Variants in HS6ST3 observed in about 807,000 individuals in gnomAD.
The protein encoded by HS6ST3 is heparan-sulfate 6-O-sulfotransferase 3.
Under a neutral mutation model 36.7 loss-of-function variants are expected in HS6ST3, and 12 were observed. The observed-to-expected ratio is 0.33, with a 90% confidence interval of 0.21 to 0.53. The LOEUF is 0.53. Ranked by LOEUF, HS6ST3 falls within the 20% of genes least tolerant of loss-of-function variation. HS6ST3 has a pLI of 0.95. For missense variants in HS6ST3, 584 were observed against 640.9 expected (o/e 0.91, Z 0.96); for synonymous variants, 240 against 257.5 (o/e 0.93, Z 0.65).
intron 1 of HS6ST3, among the ~76,000 whole-genome samples, chr13:96,542,899 C>T (rs1244767526): frequency 6.6e-6 from 1 of 152,082 alleles, no homozygotes; most frequent in Non-Finnish European, 1.5e-5. Flanking sequence ...CTTCTCTGTT[C>T]AGTGTTCTAG....
chr13:96,390,981 G>GT (rs1244381609), intron 1 of HS6ST3, among the ~76,000 whole-genome samples: 1 of 152,052 alleles, frequency 6.6e-6, no homozygotes, highest in Non-Finnish European at 1.5e-5. Context: ...CACATATAAT[G>GT]TTTTTTTCTT....
Position 96,090,696 on chromosome 13 carries a change from C to T in HS6ST3, c.-167C>T, listed in dbSNP as rs998867285. 11 of 303,066 alleles carry T rather than the reference C, an allele frequency of 3.6e-5. No individual in the cohort carries two copies. Among genetic ancestry groups the T allele is most frequent in the African/African-American group, 2.0e-4 (9 of 43,992 alleles). The allele number at this position is 303,066 out of a possible 1,614,324, so 18.8% of individuals were successfully genotyped here. A position where few individuals can be genotyped will look rare whatever the true frequency, so the allele number is the denominator to read the frequency against. On this transcript the variant is annotated 5_prime_UTR_variant, in exon 1 of 2. Transcript: ENST00000376705. ...CTCGCAGGCCCCGGCTCCTCAAGCC[C>T]CGAGGGCCGCGGGGCCGCCAGCCAG...
Position 96,834,739 on chromosome 13 carries a change from A to G in HS6ST3, c.*1541A>G, listed in dbSNP as rs770009384. On this transcript the variant is annotated 3_prime_UTR_variant, in exon 2 of 2. Coordinates refer to ENST00000376705, the MANE Select transcript of HS6ST3 (RefSeq NM_153456.4). ...ATCCAACATGTTTGATGTTTAAGCT[A>G]GCTTTACCTAAGCCACTTCTCAGCC... The G allele has an allele frequency of 2.0e-5, 3 of 152,610 alleles. No homozygotes were observed. The highest frequency in any genetic ancestry group is 2.9e-5 in the Non-Finnish European group (2 of 68,052). 9.5% of individuals were successfully genotyped at this position (152,610 alleles called of 1,614,324 possible).
intron 1 of HS6ST3, among the ~76,000 whole-genome samples, chr13:96,333,882 G>A (rs561347848): frequency 6.6e-6 from 1 of 152,246 alleles, no homozygotes; most frequent in East Asian, 1.9e-4. Context: ...GCAAGCTGGA[G>A]CTCCAGGGGG....
At chr13:96,275,170 G>GCCTT (rs2054741823) in intron 1 of HS6ST3, among the ~76,000 whole-genome samples, 1 of 152,142 alleles carries the variant, frequency 6.6e-6, no homozygotes, top group South Asian at 2.1e-4. Context: ...CCATTAAACA[G>GCCTT]CCTTCAGGGT....
At chr13:96,278,358 G>A (rs536068371) in intron 1 of HS6ST3, among the ~76,000 whole-genome samples, 66 of 152,198 alleles carry the variant, frequency 4.3e-4, no homozygotes, top group Admixed American at 1.6e-3. Context: ...GCAGCACACC[G>A]GAGTAAGATT....
intron 1 of HS6ST3, among the ~76,000 whole-genome samples, chr13:96,724,477 T>A (rs909036377): frequency 1.3e-5 from 2 of 152,206 alleles, no homozygotes; most frequent in African/African-American, 4.8e-5. Flanking sequence ...GATCCATCCA[T>A]CAGCCCGGAA....
At chr13:96,279,044 C>T (rs1010067245) in intron 1 of HS6ST3, among the ~76,000 whole-genome samples, 3 of 152,140 alleles carry the variant, frequency 2.0e-5, no homozygotes, top group Non-Finnish European at 2.9e-5. Context: ...TTACGGACTT[C>T]ATCCTCAAAG....
At chr13:96,785,200 T>C (rs988153689) in intron 1 of HS6ST3, among the ~76,000 whole-genome samples, 14 of 152,044 alleles carry the variant, frequency 9.2e-5, no homozygotes, top group Non-Finnish European at 1.9e-4. Context: ...TGAATTTTGA[T>C]GATGTGACTC....
chr13:96,294,821 C>A (rs148550968), intron 1 of HS6ST3, among the ~76,000 whole-genome samples: 13 of 151,808 alleles, frequency 8.6e-5, no homozygotes, highest in African/African-American at 3.1e-4. Context: ...GTAATAAAAA[C>A]GTGGATCTTG....
At chr13:96,737,985 G>A (rs1037789895) in intron 1 of HS6ST3, among the ~76,000 whole-genome samples, 1 of 151,990 alleles carries the variant, frequency 6.6e-6, no homozygotes, top group South Asian at 2.1e-4. Context: ...GTTTACCCAC[G>A]TAGTCCAGGA....
At chr13:96,447,890 C>G (rs961795238) in intron 1 of HS6ST3, among the ~76,000 whole-genome samples, 3 of 152,308 alleles carry the variant, frequency 2.0e-5, no homozygotes, top group Middle Eastern at 3.4e-3. Flanking sequence ...GCCTGTTAAA[C>G]TTTCCGCTCC....
chr13:96,288,424 G>C lies in HS6ST3; in HGVS notation c.707+196855G>C, dbSNP rs144545324. Among the ~76,000 whole-genome samples, 521 of 152,134 alleles carry C rather than the reference G, an allele frequency of 3.4e-3. 5 individuals carry two copies. The highest frequency in any genetic ancestry group is 0.012 in the African/African-American group (498 of 41,522). On this transcript the variant is annotated intron_variant, in intron 1 of 1. Coordinates refer to ENST00000376705, the MANE Select transcript of HS6ST3 (RefSeq NM_153456.4). ...CAAAATGTTACCAGCTAGAATCTGA[G>C]AATGCTGTAATATATTAGAAAAAAT...
chr13:96,774,565 C>T (rs551885148), intron 1 of HS6ST3, among the ~76,000 whole-genome samples: 1 of 151,878 alleles, frequency 6.6e-6, no homozygotes, highest in Non-Finnish European at 1.5e-5. Flanking sequence ...ATTGATCAGG[C>T]AGAAGAAAGG....
intron 1 of HS6ST3, among the ~76,000 whole-genome samples, chr13:96,674,149 C>G (rs573093693): frequency 6.6e-6 from 1 of 152,160 alleles, no homozygotes; most frequent in South Asian, 2.1e-4. Context: ...TTGCTGTTTT[C>G]ATGATACTGA....
chr13:96,525,517 T>C (rs924823070), intron 1 of HS6ST3, among the ~76,000 whole-genome samples: 106 of 152,296 alleles, frequency 7.0e-4, no homozygotes, highest in African/African-American at 2.4e-3. Context: ...CAGCAGGAAC[T>C]GTGGACGTTT....
At chr13:96,503,109 T>G (rs185562800) in intron 1 of HS6ST3, among the ~76,000 whole-genome samples, 78 of 152,310 alleles carry the variant, frequency 5.1e-4, no homozygotes, top group Middle Eastern at 3.4e-3. Context: ...TGGTTTTTTT[T>G]TGTGTGTTAA....
chr13:96,532,803 A>C (rs2138935777), intron 1 of HS6ST3, among the ~76,000 whole-genome samples: 1 of 152,264 alleles, frequency 6.6e-6, no homozygotes, highest in South Asian at 2.1e-4. Context: ...ACAGGAGAAA[A>C]TTTGTGCCAG....
chr13:96,532,989 T>G (rs1296743264), intron 1 of HS6ST3, among the ~76,000 whole-genome samples: 4 of 152,194 alleles, frequency 2.6e-5, no homozygotes, highest in East Asian at 1.9e-4. Flanking sequence ...GGAAGCTGTT[T>G]CCAGGAGGTG....
Sources: gnomAD v4.1 joint callset for allele counts (sites outside exome capture counted in the v4.1 genomes callset) on GRCh38, gnomAD v4.1.1 for gene constraint, MANE v1.5 for transcripts, NCBI Gene and HGNC (gene_info 2026-07-23, HGNC 2026-07-21) for gene names.